LTBP1: variants seen among roughly 807,000 people sequenced by gnomAD.
LTBP1 encodes latent transforming growth factor beta binding protein 1.
In LTBP1, 129 loss-of-function variants were observed where a neutral mutation model predicts 207.6. That is an observed-to-expected ratio of 0.62 (90% CI 0.54 to 0.72). LTBP1 has a LOEUF of 0.72. Among genes scored for constraint, LTBP1 ranks in the 30% least tolerant of loss-of-function variants. The pLI is 0.00. For missense variants in LTBP1, 2,281 were observed against 2,217.2 expected, an observed-to-expected ratio of 1.03 and a Z score of -0.58; for synonymous variants, 963 against 833.7, an observed-to-expected ratio of 1.16 and a Z score of -2.67.
rs557940935 is a variant in LTBP1, at chr2:33,017,952, A to G, written c.566-2957A>G. Among the ~76,000 whole-genome samples, 19 of 152,216 alleles carry G rather than the reference A, an allele frequency of 1.2e-4. No homozygotes were observed. The East Asian group carries it at 3.1e-3, about 25-fold the overall frequency. On this transcript the variant is annotated intron_variant, in intron 2 of 33. Transcript: ENST00000404816. ...AGGGAATCTGTCCTCCTCCAGTTCA[A>G]TCCAGCCCCTCCTCATCTCCGTGCT...
At chr2:33,183,405 C>T (rs927619624) in intron 5 of LTBP1, among the ~76,000 whole-genome samples, 18 of 152,180 alleles carry the variant, frequency 1.2e-4, no homozygotes, top group African/African-American at 4.3e-4. Context: ...GGACCAATCA[C>T]CGACAGGCTT....
chr2:33,386,826 CT>C (rs1009498572), intron 31 of LTBP1, among the ~76,000 whole-genome samples: 3,135 of 119,296 alleles, frequency 0.026, 29 homozygotes, highest in African/African-American at 0.079. Flanking sequence ...GAGCAAGACC[CT>C]TTTTTTTTTT....
chr2:33,371,878 G>A (rs1179581771), intron 31 of LTBP1, among the ~76,000 whole-genome samples: 1 of 152,248 alleles, frequency 6.6e-6, no homozygotes, highest in Non-Finnish European at 1.5e-5. Flanking sequence ...ATTGCATGCA[G>A]TTCTGAGTAG....
chr2:33,240,058 T>C (rs978060425), intron 9 of LTBP1, among the ~76,000 whole-genome samples: 3 of 152,208 alleles, frequency 2.0e-5, no homozygotes, highest in South Asian at 2.1e-4. Flanking sequence ...AAGATAGCTT[T>C]AGGCAATGAA....
chr2:33,161,807 C>G (rs911441984), intron 5 of LTBP1, among the ~76,000 whole-genome samples: 7 of 152,196 alleles, frequency 4.6e-5, no homozygotes, highest in Non-Finnish European at 1.0e-4. Context: ...TATAAACATT[C>G]ATGATCGCTT....
At chr2:33,100,872 G>A (rs2079691779) in intron 3 of LTBP1, among the ~76,000 whole-genome samples, 2 of 152,180 alleles carry the variant, frequency 1.3e-5, no homozygotes, top group South Asian at 4.1e-4. Context: ...GCCTGTGTTA[G>A]AGTTTCATTT....
intron 24 of LTBP1, among the ~76,000 whole-genome samples, chr2:33,341,538 C>T (rs944887863): frequency 7.3e-5 from 11 of 151,354 alleles, no homozygotes; most frequent in East Asian, 5.8e-4. Context: ...GGTGAAACAC[C>T]GTCTCTACTA....
At chr2:33,301,883 A>T (rs142518326) in intron 22 of LTBP1, among the ~76,000 whole-genome samples, 1 of 152,230 alleles carries the variant, frequency 6.6e-6, no homozygotes, top group South Asian at 2.1e-4. Flanking sequence ...GCATAAAAGA[A>T]TCAGTTTAAC....
intron 5 of LTBP1, among the ~76,000 whole-genome samples, chr2:33,172,342 G>A (rs1374041663): frequency 2.0e-5 from 3 of 152,054 alleles, no homozygotes; most frequent in South Asian, 4.2e-4. Flanking sequence ...AAAAAAGGCA[G>A]GGGTTGCAAT....
rs764179795 is a variant in LTBP1, at chr2:33,134,790, T to C, written c.1034-3T>C. On this transcript the variant is annotated splice_region_variant and splice_polypyrimidine_tract_variant and intron_variant, in intron 4 of 33. Coordinates refer to ENST00000404816, the MANE Select transcript of LTBP1 (RefSeq NM_206943.4). The surrounding 1 kb of genome is among the most constrained non-coding windows in gnomAD (Gnocchi z 4.4). ...TTCTTTTTCTCCCTGCCTCCGCTCCTAGTGAGTAACCACACTGGCCGCATC... is the reference window on the plus strand; with the variant it reads ...TTCTTTTTCTCCCTGCCTCCGCTCCCAGTGAGTAACCACACTGGCCGCATC... The C allele has an allele frequency of 6.2e-7, 1 of 1,614,148 alleles. No homozygotes were observed. The highest frequency in any genetic ancestry group is 8.5e-7 in the Non-Finnish European group (1 of 1,180,008).
intron 5 of LTBP1, among the ~76,000 whole-genome samples, chr2:33,141,827 C>T (rs1026403367): frequency 1.3e-5 from 2 of 152,244 alleles, no homozygotes; most frequent in African/African-American, 4.8e-5. Context: ...CTTTTCCTAT[C>T]TCCCATCTTG....
intron 7 of LTBP1, among the ~76,000 whole-genome samples, chr2:33,192,482 A>G (rs897741119): frequency 2.6e-5 from 4 of 152,168 alleles, no homozygotes; most frequent in Non-Finnish European, 5.9e-5. Context: ...AGAAAAAACA[A>G]TCAGACATTG....
At chr2:33,316,809 C>G (rs561911881) in intron 24 of LTBP1, among the ~76,000 whole-genome samples, 2 of 152,210 alleles carry the variant, frequency 1.3e-5, no homozygotes, top group South Asian at 4.1e-4. Context: ...GGGTGCAAGC[C>G]CATCCGAGTC....
At chr2:33,125,539 T>G (rs888051507) in intron 4 of LTBP1, among the ~76,000 whole-genome samples, 11 of 152,080 alleles carry the variant, frequency 7.2e-5, no homozygotes, top group African/African-American at 2.7e-4. Flanking sequence ...GCATAAAAAA[T>G]TACTCCAAAC....
At chr2:33,315,930 T>A (rs566015681) in intron 24 of LTBP1, among the ~76,000 whole-genome samples, 77 of 152,170 alleles carry the variant, frequency 5.1e-4, no homozygotes, top group Non-Finnish European at 1.0e-3. Flanking sequence ...AGAGTAAGAC[T>A]CCGTCTAAAA....
chr2:33,112,032 A>G (rs2080441684), intron 4 of LTBP1, among the ~76,000 whole-genome samples: 1 of 152,244 alleles, frequency 6.6e-6, no homozygotes, highest in Non-Finnish European at 1.5e-5. Context: ...AAAATTAAGG[A>G]AAAGATGTAC....
chr2:33,352,687 G>T (rs2094798420), intron 26 of LTBP1, among the ~76,000 whole-genome samples: 2 of 152,126 alleles, frequency 1.3e-5, no homozygotes, highest in Admixed American at 1.3e-4. Context: ...ACTGCTGCCA[G>T]AGTTAATGTT....
intron 2 of LTBP1, among the ~76,000 whole-genome samples, chr2:32,951,102 T>C (rs546122924): frequency 8.5e-5 from 13 of 152,202 alleles, no homozygotes; most frequent in Non-Finnish European, 1.3e-4. Flanking sequence ...GTTGCTATGT[T>C]GGTTTAATCT....
In LTBP1 at chr2:33,347,378, T is replaced by G; in HGVS notation, c.3868T>G (p.Cys1290Gly). The G allele has an allele frequency of 6.2e-7, 1 of 1,614,152 alleles. No homozygotes were observed. The highest frequency in any genetic ancestry group is 8.5e-7 in the Non-Finnish European group (1 of 1,180,020). The change falls in exon 26 of 34, where the codon TGT (cysteine) becomes GGT (glycine). Residue 1290 changes from cysteine to glycine, a missense_variant. Coordinates refer to ENST00000404816, the MANE Select transcript of LTBP1 (RefSeq NM_206943.4). Reference protein sequence around the residue: ...DGQGCVDVNECELLSGVCGEA... With the variant: ...DGQGCVDVNEGELLSGVCGEA... ...GCTCCCTTTTCCAGATGTGAATGAA[T>G]GTGAACTGCTCAGTGGGGTGTGTGG...
Sources: allele counts gnomAD v4.1 joint callset (sites outside exome capture counted in the v4.1 genomes callset), GRCh38; gene constraint gnomAD v4.1.1; non-coding constraint Gnocchi (gnomAD v3.1); transcripts MANE v1.5; gene names NCBI Gene and HGNC (gene_info 2026-07-23, HGNC 2026-07-21).